SPOCK3: variants seen among roughly 807,000 people sequenced by gnomAD.
SPOCK3 encodes the protein testican-3.
SPOCK3 carries 30 observed loss-of-function variants against 56.6 expected under a neutral mutation model. The observed-to-expected ratio is 0.53, with a 90% CI of 0.40 to 0.72. SPOCK3 has a LOEUF of 0.72. Among genes scored for constraint, SPOCK3 ranks in the 30% least tolerant of loss-of-function variants. SPOCK3 has a pLI of 0.00. For missense variants in SPOCK3, 527 were observed against 530.0 expected (o/e 0.99, Z 0.06); for synonymous variants, 196 against 183.3 (o/e 1.07, Z -0.56).
intron 4 of SPOCK3, among the ~76,000 whole-genome samples, chr4:166,961,649 T>C (rs1444766720): frequency 6.6e-6 from 1 of 151,990 alleles, no homozygotes; most frequent in Non-Finnish European, 1.5e-5. Flanking sequence ...TTGAGTTCTA[T>C]GAGATATTCC....
chr4:167,048,471 GA>G (rs1386587437), intron 3 of SPOCK3, among the ~76,000 whole-genome samples: 1 of 152,070 alleles, frequency 6.6e-6, no homozygotes, highest in African/African-American at 2.4e-5. Context: ...CAGATGATAG[GA>G]AAACTAGAAG....
chr4:166,813,325 C>T (rs751231666), intron 6 of SPOCK3, among the ~76,000 whole-genome samples: 3 of 151,792 alleles, frequency 2.0e-5, no homozygotes, highest in Non-Finnish European at 4.4e-5. Flanking sequence ...CAGTCACACC[C>T]CGAGATTCAA....
chr4:167,092,025 C>T (rs1300813359), intron 2 of SPOCK3, among the ~76,000 whole-genome samples: 1 of 152,132 alleles, frequency 6.6e-6, no homozygotes, highest in Non-Finnish European at 1.5e-5. Flanking sequence ...AGGAACAGCT[C>T]TGGTCTGTAG....
At chr4:166,964,055 T>C (rs75957723) in intron 4 of SPOCK3, among the ~76,000 whole-genome samples, 3,141 of 151,896 alleles carry the variant, frequency 0.021, 48 homozygotes, top group Non-Finnish European at 0.032. Context: ...TTTTATACTC[T>C]ATATAAGATT....
At chr4:166,932,564 A>G (rs1739912425) in intron 4 of SPOCK3, among the ~76,000 whole-genome samples, 1 of 152,200 alleles carries the variant, frequency 6.6e-6, no homozygotes, top group Non-Finnish European at 1.5e-5. Context: ...AAGTTGTATT[A>G]TGTTTTATAA....
chr4:166,781,711 T>C (rs539203320), intron 7 of SPOCK3, among the ~76,000 whole-genome samples: 3 of 151,890 alleles, frequency 2.0e-5, no homozygotes, highest in South Asian at 2.1e-4. Flanking sequence ...CAAACAGATA[T>C]ACAAACAAAA....
intron 6 of SPOCK3, among the ~76,000 whole-genome samples, chr4:166,869,233 T>C (rs1732200147): frequency 6.9e-6 from 1 of 144,490 alleles, no homozygotes; most frequent in Non-Finnish European, 1.6e-5. Flanking sequence ...ATTGCTGATA[T>C]GTTGGTCTTT....
intron 2 of SPOCK3, among the ~76,000 whole-genome samples, chr4:167,095,117 G>A (rs1759037670): frequency 6.6e-6 from 1 of 151,998 alleles, no homozygotes; most frequent in African/African-American, 2.4e-5. Context: ...ATTGAGGAGG[G>A]CAATCTGCTT....
At chr4:166,827,836 G>C (rs1745638315) in intron 6 of SPOCK3, among the ~76,000 whole-genome samples, 1 of 69,840 alleles carries the variant, frequency 1.4e-5, no homozygotes, top group Non-Finnish European at 3.3e-5. Context: ...TACTCATCAA[G>C]GGAAAAAAAA....
At chr4:166,916,314 T>C (rs1054286390) in intron 4 of SPOCK3, among the ~76,000 whole-genome samples, 18 of 152,094 alleles carry the variant, frequency 1.2e-4, no homozygotes, top group Non-Finnish European at 2.9e-5. Context: ...TTCATACTAT[T>C]GCTAGCGTTC....
At chr4:166,878,235 C>A (rs1030086409) in intron 6 of SPOCK3, among the ~76,000 whole-genome samples, 1 of 152,088 alleles carries the variant, frequency 6.6e-6, no homozygotes, top group Non-Finnish European at 1.5e-5. Flanking sequence ...GCCGAGATCA[C>A]GCCACTGCAA....
At chr4:167,155,901 T>C (rs951207270) in intron 2 of SPOCK3, among the ~76,000 whole-genome samples, 16 of 152,072 alleles carry the variant, frequency 1.1e-4, no homozygotes, top group African/African-American at 3.9e-4. Flanking sequence ...GACAAGTTGA[T>C]AGGTGCAGCA....
At chr4:166,737,344 CTAGA>C in intron 10 of SPOCK3, 119 bp downstream of exon 10, 1 of 1,054,646 alleles carries the variant, frequency 9.5e-7, no homozygotes, top group Non-Finnish European at 1.3e-6. Flanking sequence ...TCCCTCCACC[CTAGA>C]TATTCTACAG....
chr4:166,914,364 A>G (rs1011491336), intron 4 of SPOCK3, among the ~76,000 whole-genome samples: 2 of 152,198 alleles, frequency 1.3e-5, no homozygotes, highest in African/African-American at 2.4e-5. Context: ...ATATCTGGAA[A>G]CTAAACATTG....
chr4:166,747,300 T>C (rs529001942), intron 8 of SPOCK3, among the ~76,000 whole-genome samples: 5 of 152,292 alleles, frequency 3.3e-5, no homozygotes, highest in African/African-American at 1.2e-4. Context: ...TCAAGTTGGC[T>C]TCATCCCTGG....
intron 6 of SPOCK3, among the ~76,000 whole-genome samples, chr4:166,865,819 T>G (rs916948929): frequency 2.6e-5 from 4 of 152,112 alleles, no homozygotes; most frequent in African/African-American, 9.7e-5. Context: ...TGCTCATGGA[T>G]AGGAAGAATC....
At chr4:167,162,153 C>G (rs1336883443) in intron 2 of SPOCK3, among the ~76,000 whole-genome samples, 1 of 152,078 alleles carries the variant, frequency 6.6e-6, no homozygotes, top group Non-Finnish European at 1.5e-5. Context: ...ACACTTCTCC[C>G]TGACTAACCA....
At position 167,203,951 on chromosome 4, in the gene SPOCK3, G is replaced by T. The variant is rs1016138712; in HGVS notation, c.189+30034C>A. On this transcript the variant is annotated intron_variant, in intron 2 of 10. Coordinates refer to ENST00000357545, the MANE Select transcript of SPOCK3 (RefSeq NM_001040159.2). ...AATATATTCTAACATTTCTGTAGCAGAAACTGCTTGTTTTCATTTAATACC... is the reference window on the plus strand; with the variant it reads ...AATATATTCTAACATTTCTGTAGCATAAACTGCTTGTTTTCATTTAATACC... Among the ~76,000 whole-genome samples, 3 of 152,018 alleles carry T rather than the reference G, an allele frequency of 2.0e-5. 1 individual carries two copies. The highest frequency in any genetic ancestry group is 7.2e-5 in the African/African-American group (3 of 41,412).
chr4:166,848,813 C>T (rs768887182), intron 6 of SPOCK3, among the ~76,000 whole-genome samples: 13 of 152,118 alleles, frequency 8.5e-5, no homozygotes, highest in Non-Finnish European at 1.2e-4. Context: ...CTACTGTTTT[C>T]CTCCTTTTTG....
Sources: allele counts gnomAD v4.1 joint callset (sites outside exome capture counted in the v4.1 genomes callset), GRCh38; gene constraint gnomAD v4.1.1; transcripts MANE v1.5; gene names NCBI Gene and HGNC (gene_info 2026-07-23, HGNC 2026-07-21).